The following CNTNAP2 variants were observed in gnomAD, a reference collection of about 807,000 sequenced individuals.
CNTNAP2 encodes the protein contactin associated protein 2.
A neutral mutation model predicts 155.2 loss-of-function variants in CNTNAP2; 98 were observed. The ratio of observed to expected loss-of-function variants is 0.63; its 90% CI spans 0.54 to 0.75. The LOEUF is 0.75. Ranked by LOEUF, CNTNAP2 falls within the 30% of genes least tolerant of loss-of-function variation. The pLI is 0.00. For missense variants in CNTNAP2, 1,727 were observed against 1,688.1 expected (o/e 1.02, Z -0.40); for synonymous variants, 651 against 631.2 (o/e 1.03, Z -0.47).
At chr7:147,066,356 C>T (rs770603171) in intron 4 of CNTNAP2, among the ~76,000 whole-genome samples, 34 of 152,188 alleles carry the variant, frequency 2.2e-4, no homozygotes, top group Non-Finnish European at 4.0e-4. Flanking sequence ...GGGATGAGAA[C>T]AGGACAGGTG....
rs192953716 is a variant in CNTNAP2 at position 146,824,117 on chromosome 7, A to T, written c.209-15594A>T. ...TGTTCTCATTTTTCAGCTCCCACTT[A>T]TGAGTGAGAACATGTGGTGTTTGGT... On this transcript the variant is annotated intron_variant, in intron 2 of 23. Transcript: ENST00000361727. 3.9e-5 allele frequency among the ~76,000 whole-genome samples: 6 copies of T among 152,006 alleles called. No individual in the cohort carries two copies. The East Asian group carries it at 1.2e-3, about 29-fold the overall frequency.
intron 1 of CNTNAP2, among the ~76,000 whole-genome samples, chr7:146,322,905 A>G (rs1801031295): frequency 6.6e-6 from 1 of 151,904 alleles, no homozygotes; most frequent in African/African-American, 2.4e-5. Context: ...AGGAGAGAGG[A>G]GCTGATGAGC....
intron 1 of CNTNAP2, among the ~76,000 whole-genome samples, chr7:146,357,032 A>G (rs1795008459): frequency 1.3e-5 from 2 of 152,208 alleles, no homozygotes; most frequent in African/African-American, 4.8e-5. Flanking sequence ...GACTGAAGTT[A>G]TTATAACATC....
At chr7:146,550,401 G>GTTTTTTTTTTTTTTTTTTTTT (rs10673467) in intron 1 of CNTNAP2, among the ~76,000 whole-genome samples, 1 of 54,384 alleles carries the variant, frequency 1.8e-5, no homozygotes, top group African/African-American at 7.1e-5. Context: ...CCATTAATCT[G>GTTTTTTTTTTTTTTTTTTTTT]TTTTTTTTTT....
intron 1 of CNTNAP2, among the ~76,000 whole-genome samples, chr7:146,271,925 A>T (rs1291170302): frequency 6.6e-6 from 1 of 152,220 alleles, no homozygotes; most frequent in Non-Finnish European, 1.5e-5. Flanking sequence ...AAAAAGGCTC[A>T]AAGAACTTGT....
intron 11 of CNTNAP2, among the ~76,000 whole-genome samples, chr7:147,496,001 G>A (rs1798701173): frequency 6.6e-6 from 1 of 152,142 alleles, no homozygotes; most frequent in African/African-American, 2.4e-5. Context: ...TGCGAGGGAT[G>A]TAGGTTGCAT....
intron 12 of CNTNAP2, among the ~76,000 whole-genome samples, chr7:147,619,791 G>A (rs1230446127): frequency 2.6e-5 from 4 of 152,288 alleles, no homozygotes; most frequent in African/African-American, 9.6e-5. Flanking sequence ...CTGGCTGGCT[G>A]TGCTACCTGA....
intron 9 of CNTNAP2, among the ~76,000 whole-genome samples, chr7:147,358,663 G>C (rs554763156): frequency 6.6e-6 from 1 of 151,728 alleles, no homozygotes; most frequent in South Asian, 2.1e-4. Flanking sequence ...TGACTACCAA[G>C]CATTTTCTCC....
At chr7:146,319,740 G>T (rs1363174816) in intron 1 of CNTNAP2, among the ~76,000 whole-genome samples, 1 of 152,166 alleles carries the variant, frequency 6.6e-6, no homozygotes, top group Admixed American at 6.5e-5. Context: ...GTTTATTTTA[G>T]TGTGTGTTAG....
intron 13 of CNTNAP2, among the ~76,000 whole-genome samples, chr7:147,805,008 G>A (rs962204707): frequency 6.6e-6 from 1 of 151,998 alleles, no homozygotes; most frequent in Non-Finnish European, 1.5e-5. Flanking sequence ...ATCCAGACCT[G>A]GAATCTCCTC....
intron 2 of CNTNAP2, among the ~76,000 whole-genome samples, chr7:146,780,957 G>C (rs897569756): frequency 6.6e-6 from 1 of 151,830 alleles, no homozygotes; most frequent in African/African-American, 2.4e-5. Context: ...GGCCGGGCGC[G>C]GTGGCTCACG....
chr7:148,217,948 A>C (rs147137497), intron 19 of CNTNAP2, among the ~76,000 whole-genome samples: 35 of 152,346 alleles, frequency 2.3e-4, no homozygotes, highest in African/African-American at 7.0e-4. Context: ...AATATGGCGA[A>C]ACCCCATCTC....
chr7:147,610,287 G>A (rs1480527248), intron 12 of CNTNAP2, among the ~76,000 whole-genome samples: 2 of 133,558 alleles, frequency 1.5e-5, no homozygotes, highest in Non-Finnish European at 3.4e-5. Flanking sequence ...GGGTGTTGTA[G>A]TTTTCAAGTG....
chr7:148,087,185 T>C (rs1275939829), intron 15 of CNTNAP2, among the ~76,000 whole-genome samples: 1 of 152,144 alleles, frequency 6.6e-6, no homozygotes, highest in African/African-American at 2.4e-5. Flanking sequence ...AATGCTAGTC[T>C]TCATTCCTAT....
intron 10 of CNTNAP2, among the ~76,000 whole-genome samples, chr7:147,400,085 A>T (rs919013971): frequency 3.3e-5 from 5 of 152,076 alleles, no homozygotes; most frequent in Admixed American, 6.5e-5. Flanking sequence ...GCCTGACTCA[A>T]CTCTTATTCT....
At chr7:146,171,499 C>T (rs1365916034) in intron 1 of CNTNAP2, among the ~76,000 whole-genome samples, 1 of 152,084 alleles carries the variant, frequency 6.6e-6, no homozygotes, top group Non-Finnish European at 1.5e-5. Context: ...TTAAATCTCA[C>T]TTAATTATAA....
intron 11 of CNTNAP2, among the ~76,000 whole-genome samples, chr7:147,490,828 C>T (rs1326383302): frequency 6.6e-6 from 1 of 152,182 alleles, no homozygotes; most frequent in Non-Finnish European, 1.5e-5. Context: ...CCTCAGGAAA[C>T]TTACCATCAT....
intron 8 of CNTNAP2, among the ~76,000 whole-genome samples, chr7:147,216,673 A>C (rs1390445101): frequency 4.6e-5 from 7 of 152,144 alleles, no homozygotes; most frequent in Non-Finnish European, 1.0e-4. Flanking sequence ...GGTCTTTTGC[A>C]TCCCCATATA....
intron 11 of CNTNAP2, among the ~76,000 whole-genome samples, chr7:147,524,593 G>C (rs1799285767): frequency 6.6e-6 from 1 of 152,198 alleles, no homozygotes; most frequent in Non-Finnish European, 1.5e-5. Flanking sequence ...AGGGACTCTG[G>C]AGGGATGTGT....
Sources: allele counts gnomAD v4.1 joint callset (sites outside exome capture counted in the v4.1 genomes callset), GRCh38; gene constraint gnomAD v4.1.1; transcripts MANE v1.5; gene names NCBI Gene and HGNC (gene_info 2026-07-23, HGNC 2026-07-21).